Variants in HIBCH observed in about 807,000 individuals in gnomAD.
HIBCH encodes 3-hydroxyisobutyryl-CoA hydrolase, mitochondrial.
Under a neutral mutation model 58.2 loss-of-function variants are expected in HIBCH, and 50 were observed. The observed-to-expected ratio is 0.86, with a 90% confidence interval of 0.68 to 1.09. The LOEUF is 1.09. Ranked by LOEUF, HIBCH falls within the 50% of genes least tolerant of loss-of-function variation. The pLI is 0.00. For missense variants in HIBCH, 450 were observed against 449.7 expected, an observed-to-expected ratio of 1.00 and a Z score of -0.01; for synonymous variants, 151 against 146.9, an observed-to-expected ratio of 1.03 and a Z score of -0.20.
intron 6 of HIBCH, among the ~76,000 whole-genome samples, chr2:190,275,265 G>A (rs889422919): frequency 6.6e-6 from 1 of 152,186 alleles, no homozygotes; most frequent in African/African-American, 2.4e-5. Flanking sequence ...TTCAGTTGGG[G>A]AGGGAAACAG....
At chr2:190,292,449 C>T (rs1243429831) in intron 4 of HIBCH, among the ~76,000 whole-genome samples, 3 of 152,172 alleles carry the variant, frequency 2.0e-5, no homozygotes, top group Non-Finnish European at 2.9e-5. Context: ...GGACTATAGG[C>T]GCATGCCGCC....
At chr2:190,234,445 ACATCAAACAATGGAG>A (rs1686202676) in intron 11 of HIBCH, among the ~76,000 whole-genome samples, 2 of 152,356 alleles carry the variant, frequency 1.3e-5, no homozygotes, top group South Asian at 4.1e-4. Flanking sequence ...GAACTGCAAT[ACATCAAACAATGGAG>A]CATCTTAGAA....
intron 2 of HIBCH, among the ~76,000 whole-genome samples, chr2:190,302,309 C>T (rs890808150): frequency 6.6e-6 from 1 of 152,172 alleles, no homozygotes; most frequent in Admixed American, 6.5e-5. Context: ...TGAATATTCA[C>T]GAACAGGAGG....
chr2:190,275,694 ACT>A (rs1244456810), intron 6 of HIBCH, among the ~76,000 whole-genome samples: 1 of 152,204 alleles, frequency 6.6e-6, no homozygotes, highest in Non-Finnish European at 1.5e-5. Flanking sequence ...CAAATAGATA[ACT>A]CTTTTAAAGA....
chr2:190,203,721 G>T (rs1241409620), downstream of HIBCH, among the ~76,000 whole-genome samples: 1 of 152,022 alleles, frequency 6.6e-6, no homozygotes, highest in East Asian at 1.9e-4. Context: ...TGAATTATTT[G>T]AAAGAAAAAT....
chr2:190,275,034 TG>T (rs1315175656), intron 6 of HIBCH, among the ~76,000 whole-genome samples: 1 of 152,130 alleles, frequency 6.6e-6, no homozygotes, highest in Non-Finnish European at 1.5e-5. Context: ...ATATTTAGGG[TG>T]GCATATTGTG....
Position 190,296,933 on chromosome 2 carries a change from A to T in HIBCH, c.99T>A (p.Asp33Glu), listed in dbSNP as rs750250497. 1 of 1,614,136 alleles carries T rather than the reference A, an allele frequency of 6.2e-7. No individual in the cohort carries two copies. Among genetic ancestry groups the T allele is most frequent in the Non-Finnish European group, 8.5e-7 (1 of 1,180,006 alleles). The change falls in exon 3 of 14, where the codon GAT becomes GAA. Residue 33 changes from aspartate to glutamate, a missense_variant. Coordinates refer to ENST00000359678, the MANE Select transcript of HIBCH (RefSeq NM_014362.4). ...TTTCCAATAGCACCTCTTCTGCTGC[A>T]TCTGTGTGCTTGGACATTCTCTGTA... ...LHHLRMSKHT[D>E]AAEEVLLEKK...
At chr2:190,314,278 A>AT (rs11390736) in intron 1 of HIBCH, among the ~76,000 whole-genome samples, 883 of 87,464 alleles carry the variant, frequency 0.01, 11 homozygotes, top group East Asian at 0.021. Context: ...CTACAAAAAA[A>AT]ATATATATAT....
At chr2:190,195,262 T>A (rs1342259508) in intron 1 of HIBCH, among the ~76,000 whole-genome samples, 1 of 152,244 alleles carries the variant, frequency 6.6e-6, no homozygotes, top group Non-Finnish European at 1.5e-5. Flanking sequence ...TTTTCAAAGT[T>A]ATGAATAAAG....
chr2:190,259,606 C>T (rs1377524398), intron 7 of HIBCH, among the ~76,000 whole-genome samples: 4 of 152,058 alleles, frequency 2.6e-5, no homozygotes. Flanking sequence ...GTATTTTATT[C>T]TTTTTGATGC....
chr2:190,248,867 AAAAAAAAAAAC>A (rs1252443016), intron 9 of HIBCH, among the ~76,000 whole-genome samples: 4 of 75,288 alleles, frequency 5.3e-5, no homozygotes, highest in African/African-American at 1.5e-4. Flanking sequence ...CTTCAAAACA[AAAAAAAAAAAC>A]AAAAAAAAAA....
intron 6 of HIBCH, among the ~76,000 whole-genome samples, chr2:190,269,186 G>C (rs1015158503): frequency 6.6e-6 from 1 of 152,164 alleles, no homozygotes; most frequent in Non-Finnish European, 1.5e-5. Context: ...AAGACTTCAT[G>C]ACTAAAACAG....
intron 11 of HIBCH, among the ~76,000 whole-genome samples, chr2:190,237,787 A>G (rs1686322622): frequency 6.6e-6 from 1 of 151,936 alleles, no homozygotes; most frequent in Non-Finnish European, 1.5e-5. Flanking sequence ...CCCCTCATGT[A>G]TTAGGTATTT....
chr2:190,229,389 T>C (rs1200011849), intron 11 of HIBCH, among the ~76,000 whole-genome samples: 1 of 152,220 alleles, frequency 6.6e-6, no homozygotes, highest in African/African-American at 2.4e-5. Context: ...AGAATATACA[T>C]GGGTGTAATT....
chr2:190,308,963 T>C (rs1022062949), intron 2 of HIBCH, among the ~76,000 whole-genome samples: 4 of 152,188 alleles, frequency 2.6e-5, no homozygotes, highest in Non-Finnish European at 2.9e-5. Flanking sequence ...GCATGTTACT[T>C]AGCCTCCCTG....
intron 1 of HIBCH, among the ~76,000 whole-genome samples, chr2:190,311,615 T>C (rs1334392537): frequency 6.6e-6 from 1 of 152,198 alleles, no homozygotes; most frequent in Admixed American, 6.5e-5. Flanking sequence ...CGCAAGCATT[T>C]GCACTAGGGA....
chr2:190,217,649 G>A lies in HIBCH; in HGVS notation c.892-4574C>T, dbSNP rs1559015441. Among the ~76,000 whole-genome samples, 1 of 151,998 alleles carries A rather than the reference G, an allele frequency of 6.6e-6. No individual in the cohort carries two copies. Among genetic ancestry groups the A allele is most frequent in the South Asian group, 2.1e-4 (1 of 4,806 alleles). On this transcript the variant is annotated intron_variant, in intron 11 of 13. Transcript: ENST00000359678. The surrounding 1 kb of genome is among the most constrained non-coding windows in gnomAD (Gnocchi z 4.6). ...CTTAGGTTAAAAAAACTTCTAACTC[G>A]AACCCTGCCTCTTGAGTTCACAGTT...
At chr2:190,284,696 A>C (rs200734734) in intron 6 of HIBCH, among the ~76,000 whole-genome samples, 3 of 152,180 alleles carry the variant, frequency 2.0e-5, no homozygotes, top group African/African-American at 7.2e-5. Context: ...TATATAACGT[A>C]TATCACTAAT....
chr2:190,201,421 C>T (rs971518853), downstream of HIBCH: 2 of 166,996 alleles, frequency 1.2e-5, no homozygotes, highest in African/African-American at 2.4e-5. Flanking sequence ...ATTTGGTAGA[C>T]ATTGAGTTTA....
Sources: gnomAD v4.1 joint callset for allele counts (sites outside exome capture counted in the v4.1 genomes callset) on GRCh38, gnomAD v4.1.1 for gene constraint, Gnocchi (gnomAD v3.1) non-coding constraint, MANE v1.5 for transcripts, NCBI Gene and HGNC (gene_info 2026-07-23, HGNC 2026-07-21) for gene names.